DIS3L2: variants seen among roughly 807,000 people sequenced by gnomAD.
DIS3L2 encodes DIS3 like 3'-5' exoribonuclease 2, also known as DIS3-like exonuclease 2.
In DIS3L2, 34 loss-of-function variants were observed where a neutral mutation model predicts 97.5. The ratio of observed to expected loss-of-function variants is 0.35; its 90% CI spans 0.27 to 0.46. The LOEUF is 0.46. Among genes scored for constraint, DIS3L2 ranks in the 20% least tolerant of loss-of-function variants. The pLI is 1.00. For missense variants in DIS3L2, 1,038 were observed against 1,146.0 expected (o/e 0.91, Z 1.36); for synonymous variants, 435 against 445.2 (o/e 0.98, Z 0.29).
At chr2:232,279,018 A>G (rs1366582011) in intron 13 of DIS3L2, among the ~76,000 whole-genome samples, 1 of 151,678 alleles carries the variant, frequency 6.6e-6, no homozygotes, top group African/African-American at 2.4e-5. Flanking sequence ...GCTCACTGCA[A>G]CCTCCGCCTC....
intron 1 of DIS3L2, among the ~76,000 whole-genome samples, chr2:231,990,507 A>C (rs953641317): frequency 1.3e-5 from 2 of 152,226 alleles, no homozygotes; most frequent in South Asian, 2.1e-4. Context: ...GTAGTAATAA[A>C]ATGCGGGAAA....
At chr2:232,193,331 T>C (rs1439778351) in intron 9 of DIS3L2, among the ~76,000 whole-genome samples, 1 of 152,228 alleles carries the variant, frequency 6.6e-6, no homozygotes, top group Non-Finnish European at 1.5e-5. Context: ...ACTTACTAGG[T>C]ATATAATCTT....
intron 9 of DIS3L2, among the ~76,000 whole-genome samples, chr2:232,206,990 G>A (rs545926521): frequency 2.0e-5 from 3 of 152,282 alleles, no homozygotes; most frequent in Non-Finnish European, 4.4e-5. Context: ...ACCCAGAGAC[G>A]TTTAATTTTA....
intron 5 of DIS3L2, among the ~76,000 whole-genome samples, chr2:232,056,600 A>C (rs1271764124): frequency 6.6e-6 from 1 of 152,196 alleles, no homozygotes; most frequent in Non-Finnish European, 1.5e-5. Flanking sequence ...ACAGACAACA[A>C]ATAGAAAAAT....
chr2:232,218,658 G>C (rs540543212), intron 10 of DIS3L2, among the ~76,000 whole-genome samples: 1 of 152,250 alleles, frequency 6.6e-6, no homozygotes, highest in Admixed American at 6.5e-5. Flanking sequence ...ATCAGCTGGC[G>C]TCTAATCAAC....
At chr2:232,082,372 G>A (rs758189927) in intron 5 of DIS3L2, among the ~76,000 whole-genome samples, 4 of 152,162 alleles carry the variant, frequency 2.6e-5, no homozygotes, top group Admixed American at 6.5e-5. Context: ...TTAGGAACTG[G>A]ACCACACAGC....
intron 8 of DIS3L2, among the ~76,000 whole-genome samples, chr2:232,147,154 A>G (rs1471566750): frequency 6.6e-6 from 1 of 152,176 alleles, no homozygotes; most frequent in African/African-American, 2.4e-5. Flanking sequence ...ATTAATAAAT[A>G]GGAATGGGGT....
At chr2:232,063,396 T>C (rs72989651) in intron 5 of DIS3L2, among the ~76,000 whole-genome samples, 2,143 of 152,352 alleles carry the variant, frequency 0.014, 23 homozygotes, top group Non-Finnish European at 0.021. Flanking sequence ...CATGTGTGTA[T>C]GTGCCTGTGC....
chr2:232,126,849 G>A (rs1176204076), intron 6 of DIS3L2, among the ~76,000 whole-genome samples: 2 of 152,150 alleles, frequency 1.3e-5, no homozygotes, highest in African/African-American at 4.8e-5. Flanking sequence ...AATAGCTACA[G>A]TAAATCTTTT....
intron 6 of DIS3L2, among the ~76,000 whole-genome samples, chr2:232,124,904 T>A (rs1257991079): frequency 1.3e-5 from 2 of 152,206 alleles, no homozygotes; most frequent in Non-Finnish European, 2.9e-5. Flanking sequence ...CATTTCTCAT[T>A]AAATATAATT....
At chr2:232,097,876 A>G (rs1448367061) in intron 6 of DIS3L2, among the ~76,000 whole-genome samples, 2 of 152,150 alleles carry the variant, frequency 1.3e-5, no homozygotes. Context: ...TTAAGCTGGC[A>G]TGTCTCAGAG....
chr2:232,329,785 T>TACCCGGGGGGGCC, intron 14 of DIS3L2, 28 bp from the exon 15 acceptor site: 1 of 967,144 alleles, frequency 1.0e-6, no homozygotes, highest in Non-Finnish European at 1.5e-6. Flanking sequence ...ACCCCAGCGG[T>TACCCGGGGGGGCC]CCCTCCCATC....
intron 6 of DIS3L2, among the ~76,000 whole-genome samples, chr2:232,101,002 G>A (rs914336298): frequency 7.2e-5 from 11 of 152,004 alleles, no homozygotes; most frequent in African/African-American, 2.2e-4. Context: ...TTGGGAGGCC[G>A]AGGTGGGCGG....
chr2:232,223,062 C>T (rs1317225102), intron 10 of DIS3L2, among the ~76,000 whole-genome samples: 3 of 152,192 alleles, frequency 2.0e-5, no homozygotes, highest in Non-Finnish European at 4.4e-5. Context: ...TGTCTCAGTG[C>T]ACCTTGTTAA....
chr2:232,220,116 T>A (rs1366738557), intron 10 of DIS3L2, among the ~76,000 whole-genome samples: 3 of 13,562 alleles, frequency 2.2e-4, no homozygotes, highest in Non-Finnish European at 3.7e-4. Context: ...TACAGAAAAA[T>A]AAATAAATAA....
At chr2:232,064,280 G>T (rs1695793032) in intron 5 of DIS3L2, among the ~76,000 whole-genome samples, 1 of 152,082 alleles carries the variant, frequency 6.6e-6, no homozygotes, top group Admixed American at 6.6e-5. Context: ...TTGCATCCCT[G>T]TGGATTTACC....
chr2:232,334,879 G>A (rs968801047), intron 19 of DIS3L2, 144 bp downstream of exon 19: 26 of 673,776 alleles, frequency 3.9e-5, no homozygotes, highest in African/African-American at 2.0e-4. Flanking sequence ...TTGCTGAGAC[G>A]CCCAGCTCTC....
At chr2:232,201,656 G>C (rs993287843) in intron 9 of DIS3L2, among the ~76,000 whole-genome samples, 7 of 152,230 alleles carry the variant, frequency 4.6e-5, no homozygotes, top group Admixed American at 1.3e-4. Context: ...TGGGTGATAT[G>C]AAAGTATTAA....
intron 13 of DIS3L2, among the ~76,000 whole-genome samples, chr2:232,279,885 G>C (rs946527272): frequency 6.6e-6 from 1 of 152,160 alleles, no homozygotes; most frequent in South Asian, 2.1e-4. Context: ...TTTGTGATTT[G>C]CAAATACTTT....
Sources: allele counts gnomAD v4.1 joint callset (sites outside exome capture counted in the v4.1 genomes callset), GRCh38; gene constraint gnomAD v4.1.1; transcripts MANE v1.5; gene names NCBI Gene and HGNC (gene_info 2026-07-23, HGNC 2026-07-21).